Variants in GRIK2 observed in about 807,000 individuals in gnomAD.
The protein encoded by GRIK2 is glutamate ionotropic receptor kainate type subunit 2, also known as glutamate receptor ionotropic, kainate 2.
A neutral mutation model predicts 100.3 loss-of-function variants in GRIK2; 32 were observed. The observed-to-expected ratio is 0.32, with a 90% CI of 0.24 to 0.43. The LOEUF is 0.43. GRIK2 is among the 20% of genes least tolerant of loss of function. The pLI, the probability that GRIK2 is intolerant of heterozygous loss-of-function variation, is 1.00. For synonymous variants in GRIK2, 417 were observed against 389.4 expected, an observed-to-expected ratio of 1.07 and a Z score of -0.83; for missense variants, 843 against 1,114.9, an observed-to-expected ratio of 0.76 and a Z score of 3.47.
intron 16 of GRIK2, among the ~76,000 whole-genome samples, chr6:102,057,175 A>C (rs1255019697): frequency 6.6e-6 from 1 of 152,030 alleles, no homozygotes; most frequent in Admixed American, 6.6e-5. Context: ...TGAAAATCAT[A>C]GAATAAATAT....
At chr6:101,984,859 G>A (rs539745297) in intron 14 of GRIK2, among the ~76,000 whole-genome samples, 20 of 151,626 alleles carry the variant, frequency 1.3e-4, no homozygotes, top group Non-Finnish European at 8.9e-5. Flanking sequence ...TTTCTTTATA[G>A]AAGCAATGCA....
chr6:101,900,912 T>C (rs1331724712), intron 12 of GRIK2, among the ~76,000 whole-genome samples: 1 of 151,878 alleles, frequency 6.6e-6, no homozygotes, highest in East Asian at 1.9e-4. Flanking sequence ...CCTTGTTTTT[T>C]TTTTTCTTAA....
chr6:102,015,394 G>A (rs1441450748), intron 14 of GRIK2, among the ~76,000 whole-genome samples: 2 of 151,990 alleles, frequency 1.3e-5, no homozygotes, highest in Non-Finnish European at 2.9e-5. Flanking sequence ...TTACCCACTT[G>A]CCACTCTGTG....
chr6:101,399,079 G>A lies in GRIK2; in HGVS notation c.-199G>A, dbSNP rs1487324699. 3.8e-6 allele frequency: 2 copies of A among 525,328 alleles called. No individual in the cohort carries two copies. Among genetic ancestry groups the A allele is most frequent in the Non-Finnish European group, 6.8e-6 (2 of 295,372 alleles). 32.5% of individuals were successfully genotyped at this position (525,328 alleles called of 1,614,324 possible). A position where few individuals can be genotyped will look rare whatever the true frequency, so the allele number is the denominator to read the frequency against. On this transcript the variant is annotated 5_prime_UTR_variant, in exon 2 of 17. Transcript: ENST00000369134. ...GTCCCACCATTCCTTGCAGTGGAAG[G>A]TTGTTCCTTGGCGCAGTGAGTGAAG...
intron 14 of GRIK2, among the ~76,000 whole-genome samples, chr6:101,988,283 A>T (rs1332055042): frequency 1.3e-5 from 2 of 151,712 alleles, no homozygotes; most frequent in Non-Finnish European, 2.9e-5. Context: ...ATTTTGGGGG[A>T]CTACCTGTGT....
intron 7 of GRIK2, among the ~76,000 whole-genome samples, chr6:101,772,202 G>T (rs900835768): frequency 2.0e-5 from 3 of 152,134 alleles, no homozygotes; most frequent in African/African-American, 7.2e-5. Context: ...GACCCCACAA[G>T]AAAGAAAGTA....
chr6:101,738,250 GA>G (rs745846318), intron 7 of GRIK2, among the ~76,000 whole-genome samples: 1 of 144,516 alleles, frequency 6.9e-6, no homozygotes, highest in African/African-American at 2.5e-5. Flanking sequence ...AATTGTAATT[GA>G]CAATTGTCAA....
chr6:101,608,707 T>C (rs1398634324), intron 2 of GRIK2, among the ~76,000 whole-genome samples: 1 of 151,812 alleles, frequency 6.6e-6, no homozygotes, highest in African/African-American at 2.4e-5. Flanking sequence ...AACCTTTGCT[T>C]GATTATAAAT....
At chr6:101,596,340 C>T (rs1778930574) in intron 2 of GRIK2, among the ~76,000 whole-genome samples, 1 of 150,852 alleles carries the variant, frequency 6.6e-6, no homozygotes, top group Admixed American at 6.6e-5. Flanking sequence ...TAGAAATTTA[C>T]CTTTTTACCT....
chr6:101,781,628 C>T (rs75774805), intron 7 of GRIK2, among the ~76,000 whole-genome samples: 4,993 of 151,922 alleles, frequency 0.033, 192 homozygotes, highest in African/African-American at 0.092. Context: ...TATATGTGTG[C>T]GTGCATGATA....
intron 14 of GRIK2, among the ~76,000 whole-genome samples, chr6:101,991,404 C>A (rs1268211032): frequency 8.4e-5 from 12 of 143,524 alleles, no homozygotes; most frequent in Non-Finnish European, 1.5e-4. Flanking sequence ...TTTTTTTTTA[C>A]AATTTGTTGC....
intron 16 of GRIK2, chr6:102,063,835 T>C: frequency 9.4e-6 from 5 of 534,304 alleles, no homozygotes; most frequent in Non-Finnish European, 1.7e-5. Flanking sequence ...ATCTACATTG[T>C]TTCAAGAATT....
At chr6:101,884,186 A>G (rs993076185) in intron 11 of GRIK2, among the ~76,000 whole-genome samples, 1 of 152,136 alleles carries the variant, frequency 6.6e-6, no homozygotes, top group Non-Finnish European at 1.5e-5. Flanking sequence ...AATGCGTGGT[A>G]TTACTTACAT....
intron 10 of GRIK2, among the ~76,000 whole-genome samples, chr6:101,847,145 C>G (rs1783859984): frequency 6.6e-6 from 1 of 151,934 alleles, no homozygotes. Flanking sequence ...TGTAAATTCC[C>G]TTTGAGGGAC....
intron 10 of GRIK2, among the ~76,000 whole-genome samples, chr6:101,828,407 A>T (rs1466767984): frequency 6.6e-6 from 1 of 151,944 alleles, no homozygotes; most frequent in East Asian, 1.9e-4. Flanking sequence ...GAGCTAGCGT[A>T]AAAAAGAAAT....
At chr6:101,924,453 G>C in intron 12 of GRIK2, 148 bp from the exon 13 acceptor site, 1 of 593,916 alleles carries the variant, frequency 1.7e-6, no homozygotes. Flanking sequence ...ACACTTGCAG[G>C]CACGTATATG....
At chr6:101,762,565 T>C (rs1777798755) in intron 7 of GRIK2, among the ~76,000 whole-genome samples, 1 of 152,136 alleles carries the variant, frequency 6.6e-6, no homozygotes. Context: ...AATTAGGTTC[T>C]TCCTAATTAC....
intron 2 of GRIK2, among the ~76,000 whole-genome samples, chr6:101,495,926 AT>A (rs1332480792): frequency 6.6e-6 from 1 of 151,820 alleles, no homozygotes; most frequent in Non-Finnish European, 1.5e-5. Flanking sequence ...GTGTGCTGGT[AT>A]TTTACATATC....
intron 14 of GRIK2, among the ~76,000 whole-genome samples, chr6:101,960,150 G>A (rs1016569184): frequency 1.4e-5 from 2 of 143,634 alleles, no homozygotes; most frequent in African/African-American, 5.2e-5. Context: ...GCTTCCAAAT[G>A]TATCTTGTAA....
Sources: allele counts gnomAD v4.1 joint callset (sites outside exome capture counted in the v4.1 genomes callset), GRCh38; gene constraint gnomAD v4.1.1; transcripts MANE v1.5; gene names NCBI Gene and HGNC (gene_info 2026-07-23, HGNC 2026-07-21).